MGAM2: variants seen among roughly 807,000 people sequenced by gnomAD.
The protein encoded by MGAM2 is maltase-glucoamylase 2 (putative), also known as probable maltase-glucoamylase 2.
In MGAM2, 98 loss-of-function variants were observed where a neutral mutation model predicts 96.1. That is an observed-to-expected ratio of 1.02 (90% CI 0.87 to 1.21). The LOEUF (loss-of-function observed/expected upper bound fraction) is 1.21, where lower values mean the gene tolerates loss of function less well. Among genes scored for constraint, MGAM2 ranks in the 50% most tolerant of loss-of-function variants. The pLI, the probability that MGAM2 is intolerant of heterozygous loss-of-function variation, is 0.00. For missense variants in MGAM2, 2,055 were observed against 1,182.4 expected, an observed-to-expected ratio of 1.74 and a Z score of -10.82; for synonymous variants, 749 against 414.8, an observed-to-expected ratio of 1.81 and a Z score of -9.79.
intron 15 of MGAM2, among the ~76,000 whole-genome samples, chr7:142,153,221 C>T (rs1335645419): frequency 6.6e-6 from 1 of 152,044 alleles, no homozygotes; most frequent in African/African-American, 2.4e-5. Flanking sequence ...AGGTTGGTCT[C>T]GATCTCCTGA....
In MGAM2 at chr7:142,221,383, C is replaced by T. The variant is rs375796226; in HGVS notation, c.6872C>T (p.Thr2291Ile). Reference protein sequence around the residue: ...TSNNTNPGMTTYYQTSPTIPT... With the variant: ...TSNNTNPGMTIYYQTSPTIPT... ...AATAATACTAATCCTGGCATGACTA[C>T]TTATTACCAGACTTCTCCTACCATT... is the stretch of plus-strand genomic sequence containing the variant. Residue 2291 changes from threonine to isoleucine, a missense_variant, in exon 48 of 48, where the codon ACT (threonine) becomes ATT (isoleucine). By Grantham distance (89) the Thr-to-Ile change is moderately conservative. Coordinates refer to ENST00000477922, the MANE Select transcript of MGAM2 (RefSeq NM_001293626.2). 299 of 607,168 alleles carry T rather than the reference C, an allele frequency of 4.9e-4. 1 individual carries two copies. Among genetic ancestry groups the T allele is most frequent in the Middle Eastern group, 2.6e-3 (6 of 2,300 alleles). The allele number at this position is 607,168 out of a possible 1,614,324, so 37.6% of individuals were successfully genotyped here.
chr7:142,162,075 ATATAG>A, intron 23 of MGAM2, 71 bp downstream of exon 23: 1 of 622,972 alleles, frequency 1.6e-6, no homozygotes. Context: ...TTTTAGTTTA[ATATAG>A]ACACATGGTT....
intron 46 of MGAM2, among the ~76,000 whole-genome samples, chr7:142,214,137 G>C (rs1223051541): frequency 6.6e-6 from 1 of 152,078 alleles, no homozygotes; most frequent in African/African-American, 2.4e-5. Flanking sequence ...TCAATAAACT[G>C]GGTATTGATG....
At chr7:142,114,823 T>G (rs1817330812) in intron 1 of MGAM2, among the ~76,000 whole-genome samples, 1 of 152,202 alleles carries the variant, frequency 6.6e-6, no homozygotes, top group Non-Finnish European at 1.5e-5. Flanking sequence ...GAGAATAGTT[T>G]CTGCAAAATC....
In MGAM2 at chr7:142,138,620, A is replaced by G. The variant is rs751590867; in HGVS notation, c.1039A>G (p.Lys347Glu). 1.4e-6 allele frequency: 1 copy of G among 702,990 alleles called. No homozygotes were observed. Among genetic ancestry groups the G allele is most frequent in the South Asian group, 1.5e-5 (1 of 67,592 alleles). The allele number at this position is 702,990 out of a possible 1,614,324, so 43.5% of individuals were successfully genotyped here. ...TCGCAGGGACTATGGTGGCATCAAT[A>G]AATTGAAAGAAGTTGTAAGCCGAAA... ...LSRRDYGGIN[K>E]LKEVVSRNRL... The change falls in exon 10 of 48, where the codon AAA (lysine) becomes GAA (glutamate). Residue 347 changes from lysine (K) to glutamate (E), a missense_variant. Physicochemically the swap from Lys to Glu is moderately conservative, Grantham distance 56. Transcript: ENST00000477922.
At chr7:142,208,268 C>G in intron 45 of MGAM2, 1 of 519,812 alleles carries the variant, frequency 1.9e-6, no homozygotes, top group Non-Finnish European at 3.7e-6. Flanking sequence ...TGCTTGCTGT[C>G]TCGCACAGAA....
chr7:142,208,656 T>C (rs895735367), intron 46 of MGAM2, 34 bp downstream of exon 46: 15 of 700,466 alleles, frequency 2.1e-5, no homozygotes, highest in Admixed American at 1.2e-4. Context: ...ACAAATCTTT[T>C]CCCAGGTGTC....
At chr7:142,146,142 G>GTTTTTTTTTTTTTTTTTTTTTTTTT (rs71166565) in intron 14 of MGAM2, among the ~76,000 whole-genome samples, 1 of 108,972 alleles carries the variant, frequency 9.2e-6, no homozygotes, top group African/African-American at 3.5e-5. Flanking sequence ...AGTTTATCAT[G>GTTTTTTTTTTTTTTTTTTTTTTTTT]TTTTTTTTTT....
intron 45 of MGAM2, among the ~76,000 whole-genome samples, chr7:142,206,706 C>A (rs1474905036): frequency 6.6e-6 from 1 of 152,188 alleles, no homozygotes; most frequent in Non-Finnish European, 1.5e-5. Flanking sequence ...CTGAAACTTT[C>A]AAACTTGTAA....
intron 15 of MGAM2, among the ~76,000 whole-genome samples, chr7:142,150,749 T>C (rs1386825163): frequency 1.3e-5 from 2 of 152,192 alleles, no homozygotes; most frequent in Non-Finnish European, 2.9e-5. Flanking sequence ...TGTAAAATTA[T>C]TTGTGCCTTG....
intron 46 of MGAM2, among the ~76,000 whole-genome samples, chr7:142,208,943 G>A (rs1797494227): frequency 6.6e-6 from 1 of 152,166 alleles, no homozygotes; most frequent in South Asian, 2.1e-4. Flanking sequence ...TGCTATATAA[G>A]CTACTTATTA....
intron 29 of MGAM2, among the ~76,000 whole-genome samples, 196 bp downstream of exon 29, chr7:142,172,390 A>G (rs1796224209): frequency 6.6e-6 from 1 of 151,990 alleles, no homozygotes; most frequent in Admixed American, 6.6e-5. Flanking sequence ...AATTTTGATC[A>G]GTTATGGCTC....
At chr7:142,171,507 TTA>T in intron 28 of MGAM2, 67 bp downstream of exon 28, 1 of 664,836 alleles carries the variant, frequency 1.5e-6, no homozygotes, top group Non-Finnish European at 2.7e-6. Context: ...ATCCTTATGC[TTA>T]TATATGATAC....
At chr7:142,121,431 C>T (rs942591731) in intron 3 of MGAM2, among the ~76,000 whole-genome samples, 15 of 152,314 alleles carry the variant, frequency 9.8e-5, no homozygotes, top group African/African-American at 3.4e-4. Flanking sequence ...CCTGCCTCAG[C>T]CTCCCAAAAT....
intron 34 of MGAM2, among the ~76,000 whole-genome samples, chr7:142,185,588 G>C (rs926289524): frequency 6.6e-6 from 1 of 151,878 alleles, no homozygotes; most frequent in South Asian, 2.1e-4. Flanking sequence ...ACTTGCCCCT[G>C]GATGACAGTC....
intron 25 of MGAM2, 88 bp from the exon 26 acceptor site, chr7:142,167,180 G>A (rs1283473125): frequency 3.3e-6 from 2 of 609,144 alleles, no homozygotes; most frequent in Admixed American, 2.8e-5. Context: ...TGGTATTAGA[G>A]ACTTAGTCTG....
intron 30 of MGAM2, among the ~76,000 whole-genome samples, 179 bp from the exon 31 acceptor site, chr7:142,173,050 T>C (rs926842143): frequency 2.0e-5 from 3 of 152,178 alleles, no homozygotes; most frequent in African/African-American, 7.2e-5. Context: ...AAACTTCAAT[T>C]ACGTTTCTAT....
Position 142,175,557 on chromosome 7 carries a change from G to A in MGAM2, c.3688-95G>A, listed in dbSNP as rs1796347108. On this transcript the variant is annotated intron_variant, in intron 31 of 47. Coordinates refer to ENST00000477922, the MANE Select transcript of MGAM2 (RefSeq NM_001293626.2). The stretch of plus-strand genomic sequence containing the variant: ...TGAAGAGGGGCCTGGAATGGGGCAG[G>A]CAGGCAGCAGGACCAGGGGCCTGGC... The A allele has an allele frequency of 6.3e-6, 4 of 636,976 alleles. No individual in the cohort carries two copies. In the Admixed American group the frequency reaches 8.1e-5, roughly 13 times the overall value. 39.5% of individuals were successfully genotyped at this position (636,976 alleles called of 1,614,324 possible).
At chr7:142,169,403 A>G (rs1322602082) in intron 26 of MGAM2, among the ~76,000 whole-genome samples, 2 of 152,184 alleles carry the variant, frequency 1.3e-5, no homozygotes, top group Non-Finnish European at 2.9e-5. Context: ...AGCTGGCGAC[A>G]GAGTGAGAAT....
Sources: gnomAD v4.1 joint callset for allele counts (sites outside exome capture counted in the v4.1 genomes callset) on GRCh38, gnomAD v4.1.1 for gene constraint, MANE v1.5 for transcripts, NCBI Gene and HGNC (gene_info 2026-07-23, HGNC 2026-07-21) for gene names.